The following FBLN7 variants were observed in gnomAD, a reference collection of about 807,000 sequenced individuals.
FBLN7 encodes the protein fibulin-7.
Under a neutral mutation model 44.0 loss-of-function variants are expected in FBLN7, and 31 were observed. The observed-to-expected ratio is 0.70, with a 90% confidence interval of 0.53 to 0.95. The LOEUF is 0.95. FBLN7 is among the 40% of genes least tolerant of loss of function. The pLI is 0.00. For missense variants in FBLN7, 573 were observed against 618.5 expected (o/e 0.93, Z 0.78); for synonymous variants, 262 against 253.4 (o/e 1.03, Z -0.32).
chr2:112,160,285 G>C lies in FBLN7; in HGVS notation c.235+450G>C, dbSNP rs564963436. Among the ~76,000 whole-genome samples the C allele has an allele frequency of 2.8e-3, 428 of 152,312 alleles. 3 individuals are homozygous for C. Among genetic ancestry groups the C allele is most frequent in the African/African-American group, 8.8e-3 (367 of 41,568 alleles). Reference sequence around the variant, plus strand: ...GATGACAGGCGTGGGCCACCGCGCCGGGCCAATCTGTGGCCCATTTGTAAG... The same window carrying C: ...GATGACAGGCGTGGGCCACCGCGCCCGGCCAATCTGTGGCCCATTTGTAAG... On this transcript the variant is annotated intron_variant, in intron 2 of 7. Transcript: ENST00000331203.
intron 1 of FBLN7, among the ~76,000 whole-genome samples, chr2:112,158,582 C>T (rs1191312104): frequency 4.0e-5 from 6 of 151,882 alleles, no homozygotes; most frequent in Non-Finnish European, 8.8e-5. Context: ...ATTACAGGCA[C>T]CTGCCACCAT....
chr2:112,180,731 T>A (rs180679178), intron 4 of FBLN7, among the ~76,000 whole-genome samples: 2 of 151,852 alleles, frequency 1.3e-5, no homozygotes, highest in East Asian at 3.9e-4. Context: ...CCATCCTGGC[T>A]AACATGGTGA....
chr2:112,167,319 G>C (rs936805206), intron 3 of FBLN7, among the ~76,000 whole-genome samples: 2 of 152,184 alleles, frequency 1.3e-5, no homozygotes, highest in African/African-American at 4.8e-5. Context: ...AGTGACTCAA[G>C]CAAAGGAACA....
chr2:112,183,343 C>A (rs1414885034), intron 6 of FBLN7, among the ~76,000 whole-genome samples: 2 of 152,274 alleles, frequency 1.3e-5, no homozygotes, highest in East Asian at 1.9e-4. Flanking sequence ...CTGAAAGGGG[C>A]AGCACCTTAC....
chr2:112,147,237 T>G (rs553026609), intron 1 of FBLN7, among the ~76,000 whole-genome samples: 8 of 152,310 alleles, frequency 5.3e-5, no homozygotes, highest in Admixed American at 1.3e-4. Context: ...CTATTTAGGT[T>G]GGCAATTTTT....
chr2:112,236,538 T>C, the FBLN7 span: 3 of 1,608,916 alleles, frequency 1.9e-6, no homozygotes. Context: ...GGTCAGGTAT[T>C]CCTAGAAGCA....
rs1039559535 is a variant in FBLN7, at chr2:112,181,762, G to A, written c.556G>A (p.Gly186Ser). The change falls in exon 5 of 8, where the codon GGC (glycine) becomes AGC (serine). Residue 186 changes from glycine to serine, a missense_variant. Gly to Ser is a moderately conservative substitution (Grantham distance 56). Coordinates refer to ENST00000331203, the MANE Select transcript of FBLN7 (RefSeq NM_153214.3). ...QTAAPEGSVA[G>S]DSAFSRAPRC... ...AGCCGCCCCCGAGGGCAGCGTGGCC[G>A]GCGACTCCGCCTTCAGCCGCGCGCC... The A allele has an allele frequency of 2.8e-6, 4 of 1,407,380 alleles. No homozygotes were observed. In the South Asian group the frequency reaches 4.6e-5, roughly 16 times the overall value. The allele number at this position is 1,407,380 out of a possible 1,614,324, so 87.2% of individuals were successfully genotyped here. A position where few individuals can be genotyped will look rare whatever the true frequency, so the allele number is the denominator to read the frequency against.
chr2:112,169,938 G>C (rs760555885), intron 3 of FBLN7, among the ~76,000 whole-genome samples: 4 of 152,144 alleles, frequency 2.6e-5, no homozygotes, highest in Non-Finnish European at 5.9e-5. Flanking sequence ...GGCAGACACT[G>C]TTTTAAGAAA....
the FBLN7 span, among the ~76,000 whole-genome samples, chr2:112,200,342 G>A: frequency 2.0e-5 from 3 of 152,130 alleles, no homozygotes; most frequent in African/African-American, 4.8e-5. Flanking sequence ...TCAGATGTTC[G>A]TGGGAATGTC....
chr2:112,160,742 A>G (rs1188124247), intron 2 of FBLN7, among the ~76,000 whole-genome samples: 18 of 81,050 alleles, frequency 2.2e-4, no homozygotes, highest in Non-Finnish European at 3.5e-4. Flanking sequence ...GCACACGCAC[A>G]CACGCGCACG....
At chr2:112,181,433 T>G (rs1294834107) in intron 4 of FBLN7, among the ~76,000 whole-genome samples, 1 of 152,000 alleles carries the variant, frequency 6.6e-6, no homozygotes, top group Non-Finnish European at 1.5e-5. Context: ...TTTGGGGTGT[T>G]CAAGTCTTTT....
chr2:112,238,406 C>T, the FBLN7 span: 1 of 1,613,670 alleles, frequency 6.2e-7, no homozygotes. Flanking sequence ...ACTGTTGAAG[C>T]TCTTTGGCAA....
intron 6 of FBLN7, among the ~76,000 whole-genome samples, chr2:112,183,623 C>T (rs1240263832): frequency 6.6e-6 from 1 of 152,160 alleles, no homozygotes; most frequent in Non-Finnish European, 1.5e-5. Flanking sequence ...CAGCTAAAAA[C>T]CAGTCAGCCT....
intron 4 of FBLN7, 23 bp from the exon 5 acceptor site, chr2:112,181,716 C>A: frequency 1.5e-6 from 2 of 1,369,212 alleles, no homozygotes; most frequent in South Asian, 1.7e-5. Context: ...GGGCCCGGCA[C>A]TGAGCGTGTC....
chr2:112,208,422 CAAAA>C, the FBLN7 span, among the ~76,000 whole-genome samples: 1 of 150,942 alleles, frequency 6.6e-6, no homozygotes, highest in African/African-American at 2.4e-5. Context: ...CAAAACAAAA[CAAAA>C]AAACAAACAA....
At chr2:112,199,855 G>A in the FBLN7 span, among the ~76,000 whole-genome samples, 202 of 152,238 alleles carry the variant, frequency 1.3e-3, no homozygotes, top group African/African-American at 4.3e-3. Context: ...TTATAGAAGC[G>A]AGCTCTCTCT....
intron 6 of FBLN7, among the ~76,000 whole-genome samples, chr2:112,184,663 GTA>G (rs1683159833): frequency 1.3e-5 from 2 of 149,042 alleles, no homozygotes; most frequent in Admixed American, 6.7e-5. Context: ...TAGGTATATG[GTA>G]TATATATGCT....
chr2:112,243,586 A>T, the FBLN7 span, among the ~76,000 whole-genome samples: 96 of 152,234 alleles, frequency 6.3e-4, 1 homozygote, highest in Middle Eastern at 0.017. Flanking sequence ...CACAAAGAAG[A>T]ATCCCATTCT....
the FBLN7 span, chr2:112,216,181 A>G: frequency 6.6e-6 from 1 of 152,248 alleles, no homozygotes; most frequent in Non-Finnish European, 1.5e-5. Flanking sequence ...CCAATCAATC[A>G]GAAGAGGTTT....
Sources: gnomAD v4.1 joint callset for allele counts (sites outside exome capture counted in the v4.1 genomes callset) on GRCh38, gnomAD v4.1.1 for gene constraint, MANE v1.5 for transcripts, NCBI Gene and HGNC (gene_info 2026-07-23, HGNC 2026-07-21) for gene names.